RPS6KC1: variants seen among roughly 807,000 people sequenced by gnomAD.
RPS6KC1 encodes the protein inactive ribosomal protein S6 kinase delta-1.
Under a neutral mutation model 103.8 loss-of-function variants are expected in RPS6KC1, and 54 were observed. The observed-to-expected ratio is 0.52, with a 90% CI of 0.42 to 0.65. The LOEUF is 0.65. Ranked by LOEUF, RPS6KC1 falls within the 30% of genes least tolerant of loss-of-function variation. The pLI, the probability that RPS6KC1 is intolerant of heterozygous loss-of-function variation, is 0.00. For missense variants in RPS6KC1, 1,151 were observed against 1,253.8 expected (o/e 0.92, Z 1.24); for synonymous variants, 439 against 438.7 (o/e 1.00, Z -0.01).
the RPS6KC1 span, among the ~76,000 whole-genome samples, chr1:213,701,225 TCTATACC>T: frequency 2.4e-5 from 3 of 126,882 alleles, no homozygotes; most frequent in Non-Finnish European, 5.2e-5. Flanking sequence ...TTATGTTCCT[TCTATACC>T]CTATTTTTTG....
At chr1:213,096,725 G>C (rs2081492483) in intron 3 of RPS6KC1, among the ~76,000 whole-genome samples, 1 of 151,974 alleles carries the variant, frequency 6.6e-6, no homozygotes, top group Admixed American at 6.6e-5. Flanking sequence ...TGGCATCTAG[G>C]GTGGTGAATC....
At chr1:213,650,928 T>TA in the RPS6KC1 span, among the ~76,000 whole-genome samples, 20,850 of 100,098 alleles carry the variant, frequency 0.21, 2,653 homozygotes, top group African/African-American at 0.39. Flanking sequence ...ACTTGCATGT[T>TA]AAAAAAAAAA....
rs373014377 is a variant in RPS6KC1 at position 213,057,629 on chromosome 1, T to C, written c.105+6120T>C. 2.0e-5 allele frequency among the ~76,000 whole-genome samples: 3 copies of C among 152,234 alleles called. No homozygotes were observed. In the South Asian group the frequency reaches 6.2e-4, roughly 32 times the overall value. ...TGCCTATTTTTTTCTTTGGGTTGTTTGTTTCTTACTCCTGAGTTTTGAGAG... is the reference window on the plus strand; with the variant it reads ...TGCCTATTTTTTTCTTTGGGTTGTTCGTTTCTTACTCCTGAGTTTTGAGAG... On this transcript the variant is annotated intron_variant, in intron 1 of 14. Coordinates refer to ENST00000366960, the MANE Select transcript of RPS6KC1 (RefSeq NM_012424.6).
At chr1:213,487,573 G>T in the RPS6KC1 span, among the ~76,000 whole-genome samples, 1 of 151,698 alleles carries the variant, frequency 6.6e-6, no homozygotes, top group Non-Finnish European at 1.5e-5. Flanking sequence ...ATCCTCTTAG[G>T]ACAAAATCCT....
At chr1:213,170,459 A>T (rs1299956432) in intron 7 of RPS6KC1, among the ~76,000 whole-genome samples, 1 of 152,248 alleles carries the variant, frequency 6.6e-6, no homozygotes, top group Non-Finnish European at 1.5e-5. Flanking sequence ...AGTTATACAA[A>T]AGATGATGAC....
intron 14 of RPS6KC1, among the ~76,000 whole-genome samples, chr1:213,268,477 G>A (rs1156440291): frequency 6.6e-6 from 1 of 151,040 alleles, no homozygotes; most frequent in Non-Finnish European, 1.5e-5. Flanking sequence ...TAAGTCCAAG[G>A]AGGAAATGAG....
At chr1:213,535,422 C>T in the RPS6KC1 span, among the ~76,000 whole-genome samples, 1 of 152,214 alleles carries the variant, frequency 6.6e-6, no homozygotes. Context: ...AATAACACTG[C>T]AGGGTCCCCC....
Position 213,241,344 on chromosome 1 carries a change from G to A in RPS6KC1, c.1868G>A (p.Ser623Asn). ...CTTGACTTTGGAGAAAAATTGTATA[G>A]TCTAAAATCAGAACCTTTGAAACCA... ...LGLDFGEKLY[S>N]LKSEPLKPFF... Residue 623 changes from serine (S) to asparagine (N), a missense_variant, in exon 11 of 15, where the codon AGT (serine) becomes AAT (asparagine). Physicochemically the swap from Ser to Asn is conservative, Grantham distance 46. Coordinates refer to ENST00000366960, the MANE Select transcript of RPS6KC1 (RefSeq NM_012424.6). The A allele has an allele frequency of 6.2e-7, 1 of 1,613,948 alleles. No individual in the cohort carries two copies. Among genetic ancestry groups the A allele is most frequent in the Non-Finnish European group, 8.5e-7 (1 of 1,179,942 alleles).
At chr1:213,630,232 G>C in the RPS6KC1 span, among the ~76,000 whole-genome samples, 2 of 152,346 alleles carry the variant, frequency 1.3e-5, no homozygotes, top group Non-Finnish European at 2.9e-5. Context: ...ATCAGACGTA[G>C]ATTTGGTCTT....
chr1:213,407,145 C>A, the RPS6KC1 span, among the ~76,000 whole-genome samples: 1 of 152,068 alleles, frequency 6.6e-6, no homozygotes, highest in East Asian at 1.9e-4. Flanking sequence ...AATTCCAGGA[C>A]TGCATCTGGG....
chr1:213,607,295 T>C, the RPS6KC1 span, among the ~76,000 whole-genome samples: 1 of 152,190 alleles, frequency 6.6e-6, no homozygotes. Flanking sequence ...TCCACAGATT[T>C]TAGAAAGAAA....
chr1:213,534,561 C>G, the RPS6KC1 span, among the ~76,000 whole-genome samples: 1 of 152,298 alleles, frequency 6.6e-6, no homozygotes, highest in African/African-American at 2.4e-5. Context: ...GGTGTGCAAA[C>G]CACACAGCTC....
At chr1:213,424,677 G>T in the RPS6KC1 span, among the ~76,000 whole-genome samples, 1 of 152,192 alleles carries the variant, frequency 6.6e-6, no homozygotes, top group Non-Finnish European at 1.5e-5. Context: ...CTTTCATTTT[G>T]TTGTTGTTTT....
At chr1:213,102,985 T>A (rs1168399731) in intron 3 of RPS6KC1, among the ~76,000 whole-genome samples, 2 of 151,992 alleles carry the variant, frequency 1.3e-5, no homozygotes, top group African/African-American at 4.8e-5. Context: ...GATGGGAGGA[T>A]CACTTGCATC....
chr1:213,510,826 T>C, the RPS6KC1 span, among the ~76,000 whole-genome samples: 2 of 152,184 alleles, frequency 1.3e-5, no homozygotes, highest in African/African-American at 4.8e-5. Context: ...TAAGCCCTTA[T>C]TTGTGTGGGG....
At chr1:213,199,030 A>G (rs1049803019) in intron 8 of RPS6KC1, among the ~76,000 whole-genome samples, 2 of 152,232 alleles carry the variant, frequency 1.3e-5, no homozygotes, top group Non-Finnish European at 2.9e-5. Context: ...AAAGCCCAGG[A>G]CCAGATGGAT....
the RPS6KC1 span, among the ~76,000 whole-genome samples, chr1:213,660,694 A>C: frequency 7.2e-6 from 1 of 138,762 alleles, no homozygotes; most frequent in Non-Finnish European, 1.6e-5. Flanking sequence ...ATTATGGTTC[A>C]TTTATCCCTT....
chr1:213,085,096 G>A lies in RPS6KC1; in HGVS notation c.262+7280G>A, dbSNP rs12076890. Among the ~76,000 whole-genome samples, 1,067 of 152,300 alleles carry A rather than the reference G, an allele frequency of 7.0e-3. 14 individuals are homozygous for A. Among genetic ancestry groups the A allele is most frequent in the African/African-American group, 0.024 (1,011 of 41,572 alleles). ...CAAAGTCTGAAATTGGTATCACTGG[G>A]CTGAAATCAAGGTGTTGGCAGGGAT... On this transcript the variant is annotated intron_variant, in intron 3 of 14. Coordinates refer to ENST00000366960, the MANE Select transcript of RPS6KC1 (RefSeq NM_012424.6).
At chr1:213,519,222 A>G in the RPS6KC1 span, among the ~76,000 whole-genome samples, 1 of 152,240 alleles carries the variant, frequency 6.6e-6, no homozygotes, top group South Asian at 2.1e-4. Context: ...AAATCAGGTC[A>G]TACGGAGGTT....
Sources: gnomAD v4.1 joint callset for allele counts (sites outside exome capture counted in the v4.1 genomes callset) on GRCh38, gnomAD v4.1.1 for gene constraint, MANE v1.5 for transcripts, NCBI Gene and HGNC (gene_info 2026-07-23, HGNC 2026-07-21) for gene names.